The following ADAMTSL2 variants were observed in gnomAD, a reference collection of about 807,000 sequenced individuals.
ADAMTSL2 encodes ADAMTS-like protein 2.
ADAMTSL2 carries 55 observed loss-of-function variants against 117.0 expected under a neutral mutation model. The ratio of observed to expected loss-of-function variants is 0.47; its 90% CI spans 0.38 to 0.59. The LOEUF is 0.59. ADAMTSL2 is among the 20% of genes least tolerant of loss of function. The pLI, the probability that ADAMTSL2 is intolerant of heterozygous loss-of-function variation, is 0.00. For missense variants in ADAMTSL2, 1,182 were observed against 1,354.5 expected (o/e 0.87, Z 2.00); for synonymous variants, 572 against 566.4 (o/e 1.01, Z -0.14).
chr9:133,539,649 C>A, intron 4 of ADAMTSL2, 122 bp from the exon 5 acceptor site: 6 of 78,070 alleles, frequency 7.7e-5, no homozygotes, highest in Non-Finnish European at 9.8e-5. Context: ...GCCGTGGCCC[C>A]CGCACGGCTG....
chr9:133,549,102 C>T (rs1830425074), intron 9 of ADAMTSL2, among the ~76,000 whole-genome samples: 1 of 34,624 alleles, frequency 2.9e-5, no homozygotes, highest in South Asian at 6.1e-4. Context: ...CCCGGGTTCA[C>T]GCCATTCTCC....
At position 133,575,117 on chromosome 9, in the gene ADAMTSL2, G is replaced by A. The variant is rs1237830370; in HGVS notation, c.*253G>A. ...CGTGGGAACCTGTCCGTGTTCCTGC[G>A]TGGATCCTGTGTTTGTGGCTCCCAC... On this transcript the variant is annotated 3_prime_UTR_variant, in exon 19 of 19. Coordinates refer to ENST00000651351, the MANE Select transcript of ADAMTSL2 (RefSeq NM_014694.4). 1.1e-5 allele frequency: 6 copies of A among 538,188 alleles called. No homozygotes were observed. Among genetic ancestry groups the A allele is most frequent in the Admixed American group, 3.2e-5 (1 of 31,644 alleles). 33.3% of individuals were successfully genotyped at this position (538,188 alleles called of 1,614,324 possible). A position where few individuals can be genotyped will look rare whatever the true frequency, so the allele number is the denominator to read the frequency against.
At chr9:133,539,387 G>A (rs186370587) in intron 4 of ADAMTSL2, among the ~76,000 whole-genome samples, 13 of 152,310 alleles carry the variant, frequency 8.5e-5, no homozygotes, top group Admixed American at 6.5e-4. Context: ...CGTGTGCCAG[G>A]CCCTGTCCCG....
In ADAMTSL2 at chr9:133,557,571, C is replaced by T. The variant is rs1051642034; in HGVS notation, c.1649+1641C>T. 4.6e-5 allele frequency among the ~76,000 whole-genome samples: 7 copies of T among 152,074 alleles called. No homozygotes were observed. Among genetic ancestry groups the T allele is most frequent in the Admixed American group, 2.0e-4 (3 of 15,268 alleles). ...GGTCCTGGGTAAAGGGCAGGAGGGA[C>T]GGACCCAGACAGTGCCTGCCTGTGG... On this transcript the variant is annotated intron_variant, in intron 11 of 18. Coordinates refer to ENST00000651351, the MANE Select transcript of ADAMTSL2 (RefSeq NM_014694.4). The surrounding 1 kb of genome is among the most constrained non-coding windows in gnomAD (Gnocchi z 5.2).
chr9:133,551,922 T>C (rs9697182), intron 9 of ADAMTSL2, among the ~76,000 whole-genome samples: 123,784 of 150,824 alleles, frequency 0.82, 51,767 homozygotes, highest in Non-Finnish European at 0.92. Context: ...CTCCGCCTCC[T>C]AGGTTCAAAC....
intron 17 of ADAMTSL2, among the ~76,000 whole-genome samples, chr9:133,572,851 C>T (rs1831142286): frequency 6.6e-6 from 1 of 152,156 alleles, no homozygotes. Context: ...GTCCCATCCA[C>T]TCCCCAGGGG....
intron 1 of ADAMTSL2, among the ~76,000 whole-genome samples, chr9:133,535,252 C>G (rs1409038801): frequency 1.3e-5 from 2 of 152,078 alleles, no homozygotes; most frequent in Non-Finnish European, 2.9e-5. Flanking sequence ...AGTGTGAGGC[C>G]GGCTGGCACC....
Position 133,536,608 on chromosome 9 carries a change from G to A in ADAMTSL2, c.-105G>A, listed in dbSNP as rs773066046. ...CCAACTAGTCCCAGATAACCTTGAG[G>A]CCTGGGCACTGGCTGGGCCCCGAGG... On this transcript the variant is annotated 5_prime_UTR_variant, in exon 2 of 19. Transcript: ENST00000651351. The A allele has an allele frequency of 1.3e-5, 21 of 1,612,418 alleles. No individual in the cohort carries two copies. Among genetic ancestry groups the A allele is most frequent in the Admixed American group, 6.7e-5 (4 of 59,724 alleles).
At position 133,554,494 on chromosome 9, in the gene ADAMTSL2, G is replaced by A; in HGVS notation, c.1077G>A (p.Gly359=). Residue 359 remains glycine, a synonymous_variant, in exon 10 of 19, where the codon GGG becomes GGA. Transcript: ENST00000651351. The surrounding 1 kb of genome is among the most constrained non-coding windows in gnomAD (Gnocchi z 5.2). ...SAESQGLDGA[G]LMGFVPHNGS... is the part of the protein sequence containing the mutation. ...AGAGCCAGGGCCTGGACGGGGCCGGGCTGATGGGCTTCGTCCCGCACAACG... is the reference window on the plus strand; with the variant it reads ...AGAGCCAGGGCCTGGACGGGGCCGGACTGATGGGCTTCGTCCCGCACAACG... 6.4e-7 allele frequency: 1 copy of A among 1,551,074 alleles called. No homozygotes were observed. The highest frequency in any genetic ancestry group is 8.7e-7 in the Non-Finnish European group (1 of 1,147,608).
At position 133,544,602 on chromosome 9, in the gene ADAMTSL2, G is replaced by A. The variant is rs113811900; in HGVS notation, c.763+52G>A. On this transcript the variant is annotated intron_variant, in intron 8 of 18. Coordinates refer to ENST00000651351, the MANE Select transcript of ADAMTSL2 (RefSeq NM_014694.4). ...CTCACTGAGCTTTTGGTTGTGGAGCGTTGTGCGTGGCAGAGAAGGGGCACT... is the reference window on the plus strand; with the variant it reads ...CTCACTGAGCTTTTGGTTGTGGAGCATTGTGCGTGGCAGAGAAGGGGCACT... The A allele has an allele frequency of 1.7e-3, 2,613 of 1,495,644 alleles. 34 individuals carry two copies. In the African/African-American group the frequency reaches 0.031, roughly 18 times the overall value. 92.6% of individuals were successfully genotyped at this position (1,495,644 alleles called of 1,614,324 possible). A position where few individuals can be genotyped will look rare whatever the true frequency, so the allele number is the denominator to read the frequency against.
intron 12 of ADAMTSL2, among the ~76,000 whole-genome samples, chr9:133,563,839 GAGAGGGAGAGAGAGA>G (rs1830814260): frequency 3.9e-5 from 2 of 51,678 alleles, no homozygotes; most frequent in Non-Finnish European, 8.4e-5. Flanking sequence ...GAGAGAGAGA[GAGAGGGAGAGAGAGA>G]GAGAGAGAGG....
At chr9:133,565,636 G>T (rs1830951967) in intron 12 of ADAMTSL2, among the ~76,000 whole-genome samples, 1 of 152,218 alleles carries the variant, frequency 6.6e-6, no homozygotes, top group Admixed American at 6.5e-5. Flanking sequence ...AAATCCCCTT[G>T]TCGGCTGCTT....
intron 9 of ADAMTSL2, among the ~76,000 whole-genome samples, chr9:133,551,149 A>T (rs1830472265): frequency 6.6e-6 from 1 of 152,066 alleles, no homozygotes; most frequent in African/African-American, 2.4e-5. Context: ...CATGGGGAAG[A>T]TTTTCCTTCA....
At chr9:133,563,096 G>C (rs944091836) in intron 12 of ADAMTSL2, among the ~76,000 whole-genome samples, 1 of 152,274 alleles carries the variant, frequency 6.6e-6, no homozygotes, top group African/African-American at 2.4e-5. Context: ...CCGAGCCACT[G>C]TTTTCCACAG....
At position 133,554,652 on chromosome 9, in the gene ADAMTSL2, G is replaced by T. The variant is rs1333745353; in HGVS notation, c.1235G>T (p.Gly412Val). ...ETNEVCEQAGGGACEGPPRGK... is the reference protein window; with the variant it reads ...ETNEVCEQAGVGACEGPPRGK... Reference sequence around the variant, plus strand: ...AACGAGGTGTGCGAGCAGGCCGGCGGCGGGGCCTGCGAGGGGCCCCCCAGG... The same window carrying T: ...AACGAGGTGTGCGAGCAGGCCGGCGTCGGGGCCTGCGAGGGGCCCCCCAGG... Residue 412 changes from glycine to valine, a missense_variant, in exon 10 of 19, where the codon GGC becomes GTC. Coordinates refer to ENST00000651351, the MANE Select transcript of ADAMTSL2 (RefSeq NM_014694.4). The surrounding 1 kb of genome is among the most constrained non-coding windows in gnomAD (Gnocchi z 5.2). The T allele has an allele frequency of 6.6e-7, 1 of 1,525,298 alleles. No individual in the cohort carries two copies. Among genetic ancestry groups the T allele is most frequent in the Non-Finnish European group, 8.8e-7 (1 of 1,131,230 alleles). 94.5% of individuals were successfully genotyped at this position (1,525,298 alleles called of 1,614,324 possible). A position where few individuals can be genotyped will look rare whatever the true frequency, so the allele number is the denominator to read the frequency against.
At chr9:133,568,858 G>A (rs1831039346) in intron 15 of ADAMTSL2, 100 bp downstream of exon 15, 2 of 1,507,088 alleles carry the variant, frequency 1.3e-6, no homozygotes, top group Non-Finnish European at 9.1e-7. Flanking sequence ...CGAGGCAAGG[G>A]TGTGAGGTCA....
chr9:133,543,372 G>A (rs540810229), intron 7 of ADAMTSL2, among the ~76,000 whole-genome samples: 3 of 152,276 alleles, frequency 2.0e-5, no homozygotes, highest in African/African-American at 7.2e-5. Context: ...CCAAAGAAGG[G>A]GAAAAATGTT....
Position 133,574,750 on chromosome 9 carries a change from C to G in ADAMTSL2, c.2742C>G (p.Asp914Glu). 6 of 1,613,088 alleles carry G rather than the reference C, an allele frequency of 3.7e-6. No individual in the cohort carries two copies. Among genetic ancestry groups the G allele is most frequent in the Non-Finnish European group, 5.1e-6 (6 of 1,179,458 alleles). ...LQPCPTEPPD[D>E]SCQDQPGTNC... The stretch of plus-strand genomic sequence containing the variant: ...CGCTCTGTGTTCCTTCTCCAGATGA[C>G]AGCTGCCAGGACCAGCCAGGCACCA... The change falls in exon 19 of 19, where the codon GAC (aspartate) becomes GAG (glutamate). Residue 914 changes from aspartate (D) to glutamate (E), a missense_variant. Coordinates refer to ENST00000651351, the MANE Select transcript of ADAMTSL2 (RefSeq NM_014694.4).
In ADAMTSL2 at chr9:133,544,549, A is replaced by C; in HGVS notation, c.762A>C (p.Leu254=). 6.2e-7 allele frequency: 1 copy of C among 1,613,848 alleles called. No individual in the cohort carries two copies. Among genetic ancestry groups the C allele is most frequent in the Non-Finnish European group, 8.5e-7 (1 of 1,179,742 alleles). Residue 254 remains leucine, a splice_region_variant and synonymous_variant, in exon 8 of 19, where the codon CTA becomes CTC. Coordinates refer to ENST00000651351, the MANE Select transcript of ADAMTSL2 (RefSeq NM_014694.4). ...AGAGGAAGAAGTCCGCTGACGTGCTAGGTGGGTACGCAGTGTCTGGCAGCT... is the reference window on the plus strand; with the variant it reads ...AGAGGAAGAAGTCCGCTGACGTGCTCGGTGGGTACGCAGTGTCTGGCAGCT... ...IVERKKSADV[L]ALADEAGYYF...
Sources: allele counts gnomAD v4.1 joint callset (sites outside exome capture counted in the v4.1 genomes callset), GRCh38; gene constraint gnomAD v4.1.1; non-coding constraint Gnocchi (gnomAD v3.1); transcripts MANE v1.5; gene names NCBI Gene and HGNC (gene_info 2026-07-23, HGNC 2026-07-21).